The following ARHGEF12 variants were observed in gnomAD, a reference collection of about 807,000 sequenced individuals.
ARHGEF12 encodes KMT2A/ARHGEF12 fusion protein.
Under a neutral mutation model 211.2 loss-of-function variants are expected in ARHGEF12, and 66 were observed. That is an observed-to-expected ratio of 0.31 (90% confidence interval 0.26 to 0.38). The LOEUF is 0.38. ARHGEF12 is among the 10% of genes least tolerant of loss of function. The pLI is 1.00. For synonymous variants in ARHGEF12, 592 were observed against 638.4 expected, an observed-to-expected ratio of 0.93 and a Z score of 1.09; for missense variants, 1,429 against 1,869.5, an observed-to-expected ratio of 0.76 and a Z score of 4.34.
At chr11:120,349,612 C>G (rs904145452) in intron 1 of ARHGEF12, among the ~76,000 whole-genome samples, 1 of 152,100 alleles carries the variant, frequency 6.6e-6, no homozygotes, top group Non-Finnish European at 1.5e-5. Context: ...CCTCTCTGAT[C>G]AGCAGTTTAA....
chr11:120,399,601 G>A (rs750699262), intron 1 of ARHGEF12, among the ~76,000 whole-genome samples: 1 of 151,948 alleles, frequency 6.6e-6, no homozygotes, highest in African/African-American at 2.4e-5. Flanking sequence ...CTGTGATTTG[G>A]GGTTAGTATA....
chr11:120,364,592 A>G (rs1209965657), intron 1 of ARHGEF12, among the ~76,000 whole-genome samples: 1 of 152,178 alleles, frequency 6.6e-6, no homozygotes, highest in African/African-American at 2.4e-5. Flanking sequence ...GTAGACCTAG[A>G]AACTGGGATG....
intron 28 of ARHGEF12, among the ~76,000 whole-genome samples, chr11:120,466,810 A>C (rs12417256): frequency 0.43 from 65,225 of 152,106 alleles, 14,348 homozygotes; most frequent in African/African-American, 0.51. Flanking sequence ...TCCATTGTGC[A>C]TACTTGGAAT....
At chr11:120,346,647 C>T (rs1488759724) in intron 1 of ARHGEF12, among the ~76,000 whole-genome samples, 1 of 152,122 alleles carries the variant, frequency 6.6e-6, no homozygotes, top group East Asian at 1.9e-4. Context: ...TAGTCTACAT[C>T]AACAAGTTCA....
chr11:120,372,435 C>T (rs1286883054), intron 1 of ARHGEF12, among the ~76,000 whole-genome samples: 1 of 152,048 alleles, frequency 6.6e-6, no homozygotes, highest in Non-Finnish European at 1.5e-5. Context: ...CTTCACTATA[C>T]CCTGTCATAT....
At chr11:120,461,342 C>T (rs1480419402) in intron 27 of ARHGEF12, among the ~76,000 whole-genome samples, 11 of 152,148 alleles carry the variant, frequency 7.2e-5, no homozygotes, top group Non-Finnish European at 1.5e-5. Flanking sequence ...CCTTGTACAT[C>T]TCCATCAGAA....
intron 1 of ARHGEF12, among the ~76,000 whole-genome samples, chr11:120,351,503 G>T (rs1942971186): frequency 8.4e-6 from 1 of 119,286 alleles, no homozygotes; most frequent in Non-Finnish European, 1.7e-5. Flanking sequence ...TCGCTCTGTT[G>T]CCCAGGCTGG....
At chr11:120,369,821 A>C (rs1008429626) in intron 1 of ARHGEF12, among the ~76,000 whole-genome samples, 4 of 152,208 alleles carry the variant, frequency 2.6e-5, no homozygotes, top group African/African-American at 9.7e-5. Flanking sequence ...ATATACATCC[A>C]TGTACCTGCT....
intron 30 of ARHGEF12, 75 bp downstream of exon 30, chr11:120,469,463 A>G: frequency 5.7e-6 from 7 of 1,236,562 alleles, no homozygotes; most frequent in Non-Finnish European, 7.9e-6. Context: ...AATCTGTGAA[A>G]TAGTTGTTAA....
rs1944505586 is a variant in ARHGEF12, at chr11:120,399,767, A to G, written c.33-6351A>G. Among the ~76,000 whole-genome samples the G allele has an allele frequency of 2.0e-5, 3 of 152,146 alleles. No individual in the cohort carries two copies. The South Asian group carries it at 6.2e-4, about 31-fold the overall frequency. On this transcript the variant is annotated intron_variant, in intron 1 of 40. Transcript: ENST00000397843. ...TTTCTTGCTGCAGAATGATATTTTT[A>G]TGAATGCCTTAGGTTTTTTCAATAA...
intron 32 of ARHGEF12, 128 bp from the exon 33 acceptor site, chr11:120,475,212 A>G (rs1368371629): frequency 6.2e-6 from 5 of 803,582 alleles, no homozygotes; most frequent in Non-Finnish European, 9.6e-6. Context: ...AAAAGATAAT[A>G]TACAAGTCAA....
intron 1 of ARHGEF12, among the ~76,000 whole-genome samples, chr11:120,366,474 A>G (rs1943424674): frequency 6.6e-6 from 1 of 151,948 alleles, no homozygotes; most frequent in Non-Finnish European, 1.5e-5. Context: ...TATTTTTTTG[A>G]TCTTTTCATG....
intron 25 of ARHGEF12, 71 bp downstream of exon 25, chr11:120,458,305 C>G: frequency 1.9e-6 from 3 of 1,566,002 alleles, no homozygotes; most frequent in Non-Finnish European, 2.6e-6. Flanking sequence ...AGTCTCTCAG[C>G]CTTGGAGTTT....
intron 1 of ARHGEF12, among the ~76,000 whole-genome samples, chr11:120,387,759 TTTTG>T (rs917701431): frequency 2.0e-5 from 3 of 152,182 alleles, no homozygotes; most frequent in African/African-American, 7.2e-5. Flanking sequence ...AAAGTTTCTT[TTTTG>T]TTTATGTGTC....
intron 2 of ARHGEF12, 67 bp from the exon 3 acceptor site, chr11:120,407,671 G>T: frequency 8.0e-7 from 1 of 1,251,652 alleles, no homozygotes; most frequent in Non-Finnish European, 1.2e-6. Flanking sequence ...TCCACTTTTA[G>T]AATTTTAAAT....
rs1190561677 is a variant in ARHGEF12 at position 120,446,965 on chromosome 11, G to T, written c.1469G>T (p.Gly490Val). The part of the protein sequence containing the change: ...LEDFRQKRSM[G>V]LTLAESELTK... ...CCCTTCAGGCAGAAACGTAGTATGG[G>T]ACTGACCTTGGCTGAAAGCGAGCTG... The change falls in exon 18 of 41, where the codon GGA becomes GTA. Residue 490 changes from glycine (G) to valine (V), a missense_variant. By Grantham distance (109) the Gly-to-Val change is moderately radical. Around this residue, in one of 7 missense-constraint regions of ARHGEF12, gnomAD observed 373 missense variants for 467.5 expected, o/e 0.80. Coordinates refer to ENST00000397843, the MANE Select transcript of ARHGEF12 (RefSeq NM_015313.3). 6.2e-7 allele frequency: 1 copy of T among 1,614,156 alleles called. No individual in the cohort carries two copies. Among genetic ancestry groups the T allele is most frequent in the Non-Finnish European group, 8.5e-7 (1 of 1,180,006 alleles).
chr11:120,449,068 A>G, intron 20 of ARHGEF12, 41 bp from the exon 21 acceptor site: 3 of 1,544,308 alleles, frequency 1.9e-6, no homozygotes, highest in Non-Finnish European at 2.7e-6. Flanking sequence ...AAAGAAATTT[A>G]CTCTGTTACG....
In ARHGEF12 at chr11:120,477,427, T is replaced by G. The variant is rs562521774; in HGVS notation, c.3453-20T>G. The G allele has an allele frequency of 1.4e-4, 217 of 1,545,004 alleles. No homozygotes were observed. Among genetic ancestry groups the G allele is most frequent in the Admixed American group, 7.2e-4 (33 of 45,884 alleles). On this transcript the variant is annotated intron_variant, in intron 35 of 40. Transcript: ENST00000397843. ...ACCTCAGGAAGGTAAAAGTTTTTTT[T>G]TTTTTTTTTTTCTCTACAGAGGAGA...
In ARHGEF12 at chr11:120,476,928, C is replaced by T. The variant is rs1049866033; in HGVS notation, c.3365+180C>T. ...TAGGTTGATGCCTTTTATTTTGATT[C>T]TATTCTGAAAGTTTATTTCCTAAAG... On this transcript the variant is annotated intron_variant, in intron 34 of 40. Coordinates refer to ENST00000397843, the MANE Select transcript of ARHGEF12 (RefSeq NM_015313.3). 5.2e-5 allele frequency: 31 copies of T among 595,368 alleles called. No individual in the cohort carries two copies. The Middle Eastern group carries it at 1.6e-3, about 31-fold the overall frequency. The allele number at this position is 595,368 out of a possible 1,614,324, so 36.9% of individuals were successfully genotyped here. A position where few individuals can be genotyped will look rare whatever the true frequency, so the allele number is the denominator to read the frequency against.
Sources: allele counts gnomAD v4.1 joint callset (sites outside exome capture counted in the v4.1 genomes callset), GRCh38; gene constraint gnomAD v4.1.1; regional missense constraint gnomAD v4.1.1; transcripts MANE v1.5; gene names NCBI Gene and HGNC (gene_info 2026-07-23, HGNC 2026-07-21).